Variants in PPP2R1A observed in about 807,000 individuals in gnomAD.
The protein encoded by PPP2R1A is protein phosphatase 2 scaffold subunit Aalpha.
A neutral mutation model predicts 67.1 loss-of-function variants in PPP2R1A; 15 were observed. The observed-to-expected ratio is 0.22, with a 90% CI of 0.15 to 0.34. The LOEUF (loss-of-function observed/expected upper bound fraction) is 0.34. PPP2R1A is among the 10% of genes least tolerant of loss of function. The pLI, the probability that PPP2R1A is intolerant of heterozygous loss-of-function variation, is 1.00. For missense variants in PPP2R1A, 369 were observed against 775.0 expected, an observed-to-expected ratio of 0.48 and a Z score of 6.22; for synonymous variants, 337 against 325.0, an observed-to-expected ratio of 1.04 and a Z score of -0.40.
rs979918413 is a variant in PPP2R1A, at chr19:52,226,815, G to A, written c.*834G>A. The A allele has an allele frequency of 1.3e-5, 2 of 152,466 alleles. No homozygotes were observed. The highest frequency in any genetic ancestry group is 4.8e-5 in the African/African-American group (2 of 41,428). 9.4% of individuals were successfully genotyped at this position (152,466 alleles called of 1,614,324 possible). A position where few individuals can be genotyped will look rare whatever the true frequency, so the allele number is the denominator to read the frequency against. ...AGTTACAGTAATACCTAGATTGCAG[G>A]GTGGGTGGCGAGGACCAAGTGAATT... On this transcript the variant is annotated 3_prime_UTR_variant, in exon 15 of 15. Coordinates refer to ENST00000322088, the MANE Select transcript of PPP2R1A (RefSeq NM_014225.6).
intron 2 of PPP2R1A, among the ~76,000 whole-genome samples, chr19:52,205,744 C>A (rs1037863605): frequency 9.9e-5 from 15 of 152,132 alleles, no homozygotes; most frequent in Non-Finnish European, 1.2e-4. Context: ...ATTTCACACC[C>A]GCTAGAGGGC....
intron 1 of PPP2R1A, among the ~76,000 whole-genome samples, chr19:52,195,962 C>G (rs1600157421): frequency 6.6e-6 from 1 of 152,310 alleles, no homozygotes; most frequent in Admixed American, 6.5e-5. Context: ...GACTGAAAAT[C>G]CCAACCCTCT....
chr19:52,226,333 G>GTT lies in PPP2R1A; in HGVS notation c.*360_*361dup, dbSNP rs950684319. The GTT allele has an allele frequency of 5.2e-6, 2 of 382,894 alleles. No homozygotes were observed. Among genetic ancestry groups the GTT allele is most frequent in the Non-Finnish European group, 9.4e-6 (2 of 212,786 alleles). The allele number at this position is 382,894 out of a possible 1,614,324, so 23.7% of individuals were successfully genotyped here. The stretch of plus-strand genomic sequence containing the variant: ...CCACCTCCCGTCCTCCCCATCATTG[G>GTT]TTTTTTTTTGTGTGTCAACTGTGCC... On this transcript the variant is annotated 3_prime_UTR_variant, in exon 15 of 15. Transcript: ENST00000322088.
chr19:52,196,646 T>G (rs1434266737), intron 1 of PPP2R1A, among the ~76,000 whole-genome samples: 1 of 151,542 alleles, frequency 6.6e-6, no homozygotes, highest in African/African-American at 2.4e-5. Flanking sequence ...GTAGAAAAAC[T>G]CTAAATAACA....
At chr19:52,222,901 A>G (rs958735822) in intron 13 of PPP2R1A, among the ~76,000 whole-genome samples, 2 of 152,208 alleles carry the variant, frequency 1.3e-5, no homozygotes, top group Admixed American at 6.5e-5. Flanking sequence ...GACCTACATA[A>G]TATTCACGGA....
chr19:52,193,685 T>G (rs2089473797), intron 1 of PPP2R1A, among the ~76,000 whole-genome samples: 1 of 152,152 alleles, frequency 6.6e-6, no homozygotes, highest in South Asian at 2.1e-4. Context: ...TTCTCCTGCC[T>G]CAGCCTCCTG....
intron 12 of PPP2R1A, among the ~76,000 whole-genome samples, chr19:52,221,686 CCTGT>C (rs1265767670): frequency 6.7e-6 from 1 of 149,684 alleles, no homozygotes; most frequent in Non-Finnish European, 1.5e-5. Context: ...AGGAAGTGCT[CCTGT>C]CTATTTGCTT....
rs751360442 is a variant in PPP2R1A at position 52,211,320 on chromosome 19, T to G, written c.331T>G (p.Ser111Ala). 3.1e-6 allele frequency: 5 copies of G among 1,613,500 alleles called. No homozygotes were observed. The highest frequency in any genetic ancestry group is 4.2e-6 in the Non-Finnish European group (5 of 1,179,916). Residue 111 changes from serine to alanine, a missense_variant, in exon 4 of 15, where the codon TCC becomes GCC. Transcript: ENST00000322088. The surrounding 1 kb of genome is among the most constrained non-coding windows in gnomAD (Gnocchi z 5.3). ...AGTGGTGCGGGACAAGGCAGTGGAG[T>G]CCTTACGGGCCATCTCACACGAGCA... Reference protein sequence around the residue: ...ETVVRDKAVESLRAISHEHSP... With the variant: ...ETVVRDKAVEALRAISHEHSP...
rs1458197353 is a variant in PPP2R1A, at chr19:52,213,134, G to A, written c.807+24G>A. The A allele has an allele frequency of 2.0e-6, 3 of 1,531,688 alleles. No individual in the cohort carries two copies. Among genetic ancestry groups the A allele is most frequent in the South Asian group, 2.5e-5 (2 of 79,632 alleles). 94.9% of individuals were successfully genotyped at this position (1,531,688 alleles called of 1,614,324 possible). ...AGGTAGATGAGCGACCGTTGACATT[G>A]TCCCACTGGTGGGGACACTGACACT... On this transcript the variant is annotated intron_variant, in intron 6 of 14. Transcript: ENST00000322088. The surrounding 1 kb of genome is among the most constrained non-coding windows in gnomAD (Gnocchi z 4.2).
chr19:52,208,789 G>A (rs754018804), intron 3 of PPP2R1A, among the ~76,000 whole-genome samples: 19 of 152,164 alleles, frequency 1.2e-4, no homozygotes, highest in African/African-American at 2.2e-4. Context: ...GTGAGCCACC[G>A]CATCCGGCCA....
chr19:52,200,800 G>A (rs191594919), intron 1 of PPP2R1A, among the ~76,000 whole-genome samples: 5 of 148,822 alleles, frequency 3.4e-5, no homozygotes, highest in Admixed American at 6.6e-5. Flanking sequence ...CTTCACATGC[G>A]TGCCTTCCCC....
rs1272919079 is a variant in PPP2R1A, at chr19:52,211,072, A to G, written c.271-188A>G. ...TGACAGAGACCTTCTGCTGGCTGGC[A>G]TAATATTACGTTTTTCCTTTGAGTC... On this transcript the variant is annotated intron_variant, in intron 3 of 14. Transcript: ENST00000322088. This position sits in a 1 kb window ranked among gnomAD's most constrained non-coding sequence, Gnocchi z 5.3. Among the ~76,000 whole-genome samples the G allele has an allele frequency of 6.6e-6, 1 of 152,250 alleles. No individual in the cohort carries two copies. The highest frequency in any genetic ancestry group is 1.5e-5 in the Non-Finnish European group (1 of 68,044).
rs955224718 is a variant in PPP2R1A, at chr19:52,227,753, G to A, written c.*1772G>A. ...CTTTAGAAATTTCCATTTATGCCCT[G>A]GGCGATAAACTCTCTCCCAGTTGAG... is the stretch of plus-strand genomic sequence containing the variant. On this transcript the variant is annotated 3_prime_UTR_variant, in exon 15 of 15. Transcript: ENST00000322088. 9 of 152,278 alleles carry A rather than the reference G, an allele frequency of 5.9e-5. No homozygotes were observed. The East Asian group carries it at 1.4e-3, about 23-fold the overall frequency. The allele number at this position is 152,278 out of a possible 1,614,324, so 9.4% of individuals were successfully genotyped here.
Position 52,225,813 on chromosome 19 carries a change from G to A in PPP2R1A, c.1753+5G>A. The A allele has an allele frequency of 6.2e-7, 1 of 1,613,688 alleles. No homozygotes were observed. The highest frequency in any genetic ancestry group is 8.5e-7 in the Non-Finnish European group (1 of 1,179,562). ...TTGCCCAGGAGGCTCTGACTGGTAA[G>A]ACCTAGAAAGCACGGAGCCCTAGCA... On this transcript the variant is annotated splice_donor_5th_base_variant and intron_variant, in intron 14 of 14. Coordinates refer to ENST00000322088, the MANE Select transcript of PPP2R1A (RefSeq NM_014225.6).
chr19:52,199,637 A>G (rs911256077), intron 1 of PPP2R1A, among the ~76,000 whole-genome samples: 2 of 152,120 alleles, frequency 1.3e-5, no homozygotes, highest in Non-Finnish European at 2.9e-5. Context: ...TTCTGGTTCT[A>G]TGGTTGTTTT....
In PPP2R1A at chr19:52,206,026, C is replaced by G; in HGVS notation, c.233C>G (p.Thr78Ser). 1 of 1,614,148 alleles carries G rather than the reference C, an allele frequency of 6.2e-7. No homozygotes were observed. The highest frequency in any genetic ancestry group is 8.5e-7 in the Non-Finnish European group (1 of 1,179,984). Residue 78 changes from threonine to serine, a missense_variant, in exon 3 of 15, where the codon ACC becomes AGC. Transcript: ENST00000322088. ...ALAEQLGTFTTLVGGPEYVHC... is the reference protein window; with the variant it reads ...ALAEQLGTFTSLVGGPEYVHC... Reference sequence around the variant, plus strand: ...GCAGAACAGCTGGGAACCTTCACTACCCTGGTGGGAGGCCCAGAGTACGTG... The same window carrying G: ...GCAGAACAGCTGGGAACCTTCACTAGCCTGGTGGGAGGCCCAGAGTACGTG...
At chr19:52,218,299 G>A (rs921767725) in intron 9 of PPP2R1A, among the ~76,000 whole-genome samples, 8 of 152,166 alleles carry the variant, frequency 5.3e-5, no homozygotes, top group Non-Finnish European at 1.5e-5. Context: ...GTAACAGAAA[G>A]TACTGCATCA....
intron 1 of PPP2R1A, among the ~76,000 whole-genome samples, chr19:52,193,838 G>A (rs192763613): frequency 1.8e-4 from 27 of 151,962 alleles, no homozygotes; most frequent in African/African-American, 6.5e-4. Flanking sequence ...TTACAGGCAT[G>A]AGCCACCACC....
chr19:52,196,271 G>A (rs1173085460), intron 1 of PPP2R1A, among the ~76,000 whole-genome samples: 3 of 152,206 alleles, frequency 2.0e-5, no homozygotes, highest in Admixed American at 6.5e-5. Flanking sequence ...TATCAGGAAT[G>A]TGACGGAGAC....
Sources: allele counts gnomAD v4.1 joint callset (sites outside exome capture counted in the v4.1 genomes callset), GRCh38; gene constraint gnomAD v4.1.1; non-coding constraint Gnocchi (gnomAD v3.1); transcripts MANE v1.5; gene names NCBI Gene and HGNC (gene_info 2026-07-23, HGNC 2026-07-21).